ITFG1: variants seen among roughly 807,000 people sequenced by gnomAD.
ITFG1 encodes the protein T-cell immunomodulatory protein.
ITFG1 carries 34 observed loss-of-function variants against 81.8 expected under a neutral mutation model. That is an observed-to-expected ratio of 0.42 (90% CI 0.32 to 0.55). The LOEUF is 0.55. Among genes scored for constraint, ITFG1 ranks in the 20% least tolerant of loss-of-function variants. ITFG1 has a pLI of 0.17. For synonymous variants in ITFG1, 285 were observed against 270.6 expected (o/e 1.05, Z -0.52); for missense variants, 672 against 755.4 (o/e 0.89, Z 1.29).
intron 13 of ITFG1, among the ~76,000 whole-genome samples, chr16:47,231,530 T>G (rs1965816647): frequency 6.6e-6 from 1 of 152,230 alleles, no homozygotes; most frequent in African/African-American, 2.4e-5. Context: ...TAAAAAGATT[T>G]ACACAGTAAG....
intron 14 of ITFG1, among the ~76,000 whole-genome samples, chr16:47,194,478 C>T (rs1305867914): frequency 6.6e-6 from 1 of 152,128 alleles, no homozygotes; most frequent in African/African-American, 2.4e-5. Flanking sequence ...CATAAGACTC[C>T]ATTCTGGACA....
At chr16:47,184,571 C>A (rs1965183696) in intron 14 of ITFG1, among the ~76,000 whole-genome samples, 1 of 151,890 alleles carries the variant, frequency 6.6e-6, no homozygotes, top group Non-Finnish European at 1.5e-5. Context: ...TCCAGACAAG[C>A]AAATGCTGAG....
At chr16:47,338,878 C>G (rs922791461) in intron 8 of ITFG1, among the ~76,000 whole-genome samples, 7 of 152,156 alleles carry the variant, frequency 4.6e-5, no homozygotes, top group African/African-American at 1.7e-4. Context: ...AGTCACAATG[C>G]TGCATTAACA....
intron 8 of ITFG1, among the ~76,000 whole-genome samples, chr16:47,358,576 A>ATC (rs1968070276): frequency 6.6e-6 from 1 of 152,220 alleles, no homozygotes; most frequent in Non-Finnish European, 1.5e-5. Flanking sequence ...CTTTAATCAA[A>ATC]ATAAGCAAAA....
At chr16:47,409,474 G>A (rs1309877015) in intron 6 of ITFG1, among the ~76,000 whole-genome samples, 1 of 124,506 alleles carries the variant, frequency 8.0e-6, no homozygotes, top group Non-Finnish European at 1.6e-5. Context: ...GGCGTGCAGT[G>A]GCACGATCTC....
chr16:47,393,279 C>T (rs140121449), intron 6 of ITFG1, among the ~76,000 whole-genome samples: 1 of 152,244 alleles, frequency 6.6e-6, no homozygotes, highest in African/African-American at 2.4e-5. Flanking sequence ...ACACTGTACT[C>T]GAGGGTGCCT....
chr16:47,244,961 T>C (rs1028910773), intron 12 of ITFG1, among the ~76,000 whole-genome samples: 7 of 152,132 alleles, frequency 4.6e-5, no homozygotes, highest in Admixed American at 4.6e-4. Context: ...CTTCTAAAAC[T>C]GTGAGAAATA....
intron 10 of ITFG1, among the ~76,000 whole-genome samples, chr16:47,300,582 G>A (rs902080492): frequency 2.6e-5 from 4 of 152,192 alleles, no homozygotes; most frequent in Admixed American, 2.6e-4. Context: ...TGATGTGTTT[G>A]GATAGCCATG....
intron 5 of ITFG1, among the ~76,000 whole-genome samples, chr16:47,434,256 C>A (rs1173009115): frequency 6.6e-6 from 1 of 151,702 alleles, no homozygotes; most frequent in Admixed American, 6.6e-5. Context: ...AAACTATCAT[C>A]AGGGTGAACT....
chr16:47,167,178 A>G (rs1964902131), intron 14 of ITFG1, among the ~76,000 whole-genome samples: 1 of 152,150 alleles, frequency 6.6e-6, no homozygotes, highest in Non-Finnish European at 1.5e-5. Flanking sequence ...GGTACCATAC[A>G]TGTGACCAAC....
intron 17 of ITFG1, among the ~76,000 whole-genome samples, chr16:47,157,227 C>T (rs1301298613): frequency 6.6e-6 from 1 of 151,988 alleles, no homozygotes; most frequent in Non-Finnish European, 1.5e-5. Flanking sequence ...GAGATGAGAG[C>T]TGGGGATATC....
intron 6 of ITFG1, among the ~76,000 whole-genome samples, chr16:47,419,375 C>T (rs1968912940): frequency 6.6e-6 from 1 of 151,916 alleles, no homozygotes; most frequent in Non-Finnish European, 1.5e-5. Context: ...CTCAAGCAAT[C>T]CCCCCATCTC....
At chr16:47,250,526 A>G (rs1057217071) in intron 12 of ITFG1, among the ~76,000 whole-genome samples, 11 of 152,148 alleles carry the variant, frequency 7.2e-5, no homozygotes, top group Non-Finnish European at 1.5e-4. Context: ...CAAGGTATAC[A>G]TATACTAAAA....
At chr16:47,243,771 G>C (rs1017359954) in intron 12 of ITFG1, among the ~76,000 whole-genome samples, 1 of 152,194 alleles carries the variant, frequency 6.6e-6, no homozygotes, top group African/African-American at 2.4e-5. Flanking sequence ...GCTGGGCATA[G>C]TGGCTCACTC....
At chr16:47,262,227 A>T (rs1394458642) in intron 10 of ITFG1, among the ~76,000 whole-genome samples, 2 of 152,256 alleles carry the variant, frequency 1.3e-5, no homozygotes, top group Non-Finnish European at 2.9e-5. Flanking sequence ...AATGAAAAAA[A>T]TCTTTCAGAC....
intron 2 of ITFG1, among the ~76,000 whole-genome samples, chr16:47,457,905 T>C (rs894694257): frequency 2.0e-5 from 3 of 152,190 alleles, no homozygotes; most frequent in African/African-American, 7.2e-5. Context: ...TCAAGGGAAA[T>C]AAGTTCCTGT....
intron 6 of ITFG1, among the ~76,000 whole-genome samples, chr16:47,406,718 A>G (rs1968733783): frequency 6.6e-6 from 1 of 152,214 alleles, no homozygotes; most frequent in Admixed American, 6.5e-5. Context: ...AGCAGGTGAA[A>G]GGGCTTTGAA....
intron 6 of ITFG1, among the ~76,000 whole-genome samples, chr16:47,413,260 A>T (rs1338953887): frequency 6.6e-6 from 1 of 152,190 alleles, no homozygotes; most frequent in Non-Finnish European, 1.5e-5. Flanking sequence ...GCCAAACAAA[A>T]CTTCTTCTAA....
intron 6 of ITFG1, among the ~76,000 whole-genome samples, chr16:47,418,396 C>CT (rs977826668): frequency 4.6e-5 from 7 of 151,866 alleles, no homozygotes; most frequent in Middle Eastern, 3.4e-3. Flanking sequence ...TCCCATTTAT[C>CT]TTTTTTTTGT....
Sources: allele counts gnomAD v4.1 joint callset (sites outside exome capture counted in the v4.1 genomes callset), GRCh38; gene constraint gnomAD v4.1.1; transcripts MANE v1.5; gene names NCBI Gene and HGNC (gene_info 2026-07-23, HGNC 2026-07-21).